ACOT9: variants seen among roughly 807,000 people sequenced by gnomAD.
The protein encoded by ACOT9 is acyl-CoA thioesterase 9, also known as acyl-coenzyme A thioesterase 9, mitochondrial.
In ACOT9, 34 loss-of-function variants were observed where a neutral mutation model predicts 39.7. The ratio of observed to expected loss-of-function variants is 0.86; its 90% CI spans 0.65 to 1.14. The LOEUF is 1.14. ACOT9 is among the 50% of genes most tolerant of loss of function. The pLI, the probability that ACOT9 is intolerant of heterozygous loss-of-function variation, is 0.00. For missense variants in ACOT9, 313 were observed against 344.1 expected, an observed-to-expected ratio of 0.91 and a Z score of 0.71; for synonymous variants, 110 against 120.5, an observed-to-expected ratio of 0.91 and a Z score of 0.57.
intron 1 of ACOT9, among the ~76,000 whole-genome samples, chrX:23,739,656 G>A (rs770063752): frequency 3.4e-4 from 38 of 110,750 alleles, no homozygotes; most frequent in Admixed American, 1.2e-3. Flanking sequence ...TTAGTCAGGC[G>A]TAGTGGTGCA....
intron 13 of ACOT9, 61 bp downstream of exon 13, chrX:23,705,448 A>G: frequency 1.0e-6 from 1 of 957,705 alleles, no homozygotes; most frequent in Non-Finnish European, 1.5e-6. Flanking sequence ...GAAATGTTTC[A>G]TTTCAGTGGG....
chrX:23,725,470 CAAA>C (rs34682904), intron 6 of ACOT9, among the ~76,000 whole-genome samples: 2 of 48,953 alleles, frequency 4.1e-5, no homozygotes. Context: ...GACTCTGTCT[CAAA>C]AAAAAAAAAA....
rs1271359921 is a variant in ACOT9, at chrX:23,721,114, C to T, written c.588+767G>A. ...TTATTTATTTATTTATTTTTTGAGACGAGTCTCACTCTGTTGCCCAGGCTG... is the reference window on the plus strand; with the variant it reads ...TTATTTATTTATTTATTTTTTGAGATGAGTCTCACTCTGTTGCCCAGGCTG... On this transcript the variant is annotated intron_variant, in intron 8 of 15. Transcript: ENST00000379303. Among the ~76,000 whole-genome samples, 7 of 109,965 alleles carry T rather than the reference C, an allele frequency of 6.4e-5. No homozygotes were observed. The Middle Eastern group carries it at 0.014, about 221-fold the overall frequency.
At chrX:23,739,190 G>A (rs1433906794) in intron 1 of ACOT9, among the ~76,000 whole-genome samples, 2 of 110,893 alleles carry the variant, frequency 1.8e-5, no homozygotes, top group Non-Finnish European at 3.8e-5. Flanking sequence ...CCCAGGAGGC[G>A]GAAGCTGCGG....
chrX:23,741,518 C>T (rs761706339), intron 1 of ACOT9, among the ~76,000 whole-genome samples: 14 of 111,097 alleles, frequency 1.3e-4, no homozygotes, highest in African/African-American at 4.3e-4. Flanking sequence ...GAGGAAATAA[C>T]CTCTATTTAG....
chrX:23,742,256 G>GAGAT (rs1255685619), intron 1 of ACOT9, among the ~76,000 whole-genome samples: 2 of 45,580 alleles, frequency 4.4e-5, no homozygotes, highest in East Asian at 8.4e-4. Context: ...GAGAGAGAGA[G>GAGAT]ATATCCAGGA....
intron 4 of ACOT9, among the ~76,000 whole-genome samples, chrX:23,732,145 T>G (rs894260628): frequency 5.4e-5 from 6 of 112,116 alleles, no homozygotes; most frequent in Non-Finnish European, 7.5e-5. Context: ...TAGGGAAGAC[T>G]AAAGAGTCAT....
chrX:23,733,634 G>A (rs761446578), intron 3 of ACOT9, among the ~76,000 whole-genome samples: 20 of 111,143 alleles, frequency 1.8e-4, no homozygotes, highest in South Asian at 3.7e-4. Flanking sequence ...GCTAGAGTTC[G>A]GTGGCACAAT....
chrX:23,722,807 C>G (rs1301461453), intron 6 of ACOT9, 54 bp from the exon 7 acceptor site: 10 of 856,681 alleles, frequency 1.2e-5, no homozygotes, highest in Non-Finnish European at 1.7e-5. Context: ...TATTTCCCAA[C>G]ATTTAAAATT....
Position 23,731,111 on chromosome X carries a change from T to C in ACOT9, c.192-125A>G, listed in dbSNP as rs182918222. 1,378 of 484,038 alleles carry C rather than the reference T, an allele frequency of 2.8e-3. 15 individuals are homozygous for C. The highest frequency in any genetic ancestry group is 7.1e-4 in the Non-Finnish European group (217 of 304,269). The allele number at this position is 484,038 out of a possible 1,213,427, so 39.9% of individuals were successfully genotyped here. On this transcript the variant is annotated intron_variant, in intron 4 of 15. Coordinates refer to ENST00000379303, the MANE Select transcript of ACOT9 (RefSeq NM_001037171.2). ...AAGGTCTGGGCCTACTTTCACCTTC[T>C]CTTCCTTCCCTCCCTTCCCACCTGC...
At chrX:23,730,484 T>C in intron 6 of ACOT9, 43 bp downstream of exon 6, 1 of 1,007,970 alleles carries the variant, frequency 9.9e-7, no homozygotes, top group African/African-American at 1.9e-5. Context: ...ATTCAATGTA[T>C]ATCTGTAGGT....
chrX:23,708,228 T>C (rs1441750824), intron 9 of ACOT9, among the ~76,000 whole-genome samples: 1 of 112,656 alleles, frequency 8.9e-6, no homozygotes, highest in Non-Finnish European at 1.9e-5. Context: ...TAGAACACTC[T>C]ACAAGAAAAC....
chrX:23,734,612 TCAAA>T (rs1220551548), intron 2 of ACOT9, among the ~76,000 whole-genome samples: 2 of 112,108 alleles, frequency 1.8e-5, no homozygotes, highest in African/African-American at 6.5e-5. Context: ...GATTTTTCTA[TCAAA>T]CAATTTTGGA....
intron 8 of ACOT9, among the ~76,000 whole-genome samples, chrX:23,719,894 T>G (rs1199949451): frequency 9.1e-6 from 1 of 110,047 alleles, no homozygotes; most frequent in African/African-American, 3.3e-5. Context: ...TGGAGAGCAG[T>G]GGTGTGATCT....
At chrX:23,717,844 T>C (rs1233123267) in intron 8 of ACOT9, among the ~76,000 whole-genome samples, 1 of 111,816 alleles carries the variant, frequency 8.9e-6, no homozygotes, top group East Asian at 2.8e-4. Context: ...TTCCAGCACT[T>C]TGGGAGGCCG....
At chrX:23,725,166 T>C (rs1175396005) in intron 6 of ACOT9, among the ~76,000 whole-genome samples, 1 of 110,511 alleles carries the variant, frequency 9.0e-6, no homozygotes, top group East Asian at 2.8e-4. Context: ...CACTGATCAG[T>C]ACACTTAAAA....
intron 13 of ACOT9, 103 bp from the exon 14 acceptor site, chrX:23,705,183 A>C: frequency 1.3e-6 from 1 of 759,540 alleles, no homozygotes; most frequent in Non-Finnish European, 2.0e-6. Context: ...TGAACGAAGA[A>C]TAAAGTTAGA....
intron 6 of ACOT9, among the ~76,000 whole-genome samples, chrX:23,728,500 T>C (rs1389035414): frequency 9.0e-6 from 1 of 110,964 alleles, no homozygotes; most frequent in Non-Finnish European, 1.9e-5. Flanking sequence ...GAGAAGGGAA[T>C]TACAAATATG....
At chrX:23,738,478 G>A (rs946876877) in intron 1 of ACOT9, among the ~76,000 whole-genome samples, 1 of 109,372 alleles carries the variant, frequency 9.1e-6, no homozygotes, top group East Asian at 2.9e-4. Context: ...GCATGGTGGC[G>A]CACACCTGTA....
Sources: gnomAD v4.1 joint callset for allele counts (sites outside exome capture counted in the v4.1 genomes callset) on GRCh38, gnomAD v4.1.1 for gene constraint, MANE v1.5 for transcripts, NCBI Gene and HGNC (gene_info 2026-07-23, HGNC 2026-07-21) for gene names.